Variants in PGR observed in about 807,000 individuals in gnomAD.
The protein encoded by PGR is nuclear receptor subfamily 3 group C member 3.
Under a neutral mutation model 76.1 loss-of-function variants are expected in PGR, and 25 were observed. That is an observed-to-expected ratio of 0.33 (90% CI 0.24 to 0.46). The LOEUF is 0.46. Ranked by LOEUF, PGR falls within the 20% of genes least tolerant of loss-of-function variation. The probability of loss-of-function intolerance (pLI) is 1.00; values close to 1 mark genes in which losing one functional copy is unlikely to be tolerated. For synonymous variants in PGR, 579 were observed against 535.0 expected, an observed-to-expected ratio of 1.08 and a Z score of -1.14; for missense variants, 1,172 against 1,225.3, an observed-to-expected ratio of 0.96 and a Z score of 0.65.
Position 101,127,584 on chromosome 11 carries a change from G to A in PGR, c.1487C>T (p.Pro496Leu), listed in dbSNP as rs1397519079. The A allele has an allele frequency of 1.5e-6, 2 of 1,319,976 alleles. No individual in the cohort carries two copies. Among genetic ancestry groups the A allele is most frequent in the African/African-American group, 1.5e-5 (1 of 64,908 alleles). The allele number at this position is 1,319,976 out of a possible 1,614,324, so 81.8% of individuals were successfully genotyped here. Reference sequence around the variant, plus strand: ...GGCGGCGGCAGAGGCGGAGGTGGAGGGCAGGCCGTCCCGCGGGAGCAGGCA... The same window carrying A: ...GGCGGCGGCAGAGGCGGAGGTGGAGAGCAGGCCGTCCCGCGGGAGCAGGCA... The part of the protein sequence containing the change: ...SGCLLPRDGL[P>L]STSASAAAAG... The change falls in exon 1 of 8, where the codon CCC (proline) becomes CTC (leucine). Residue 496 changes from proline to leucine, a missense_variant. Physicochemically the swap from Pro to Leu is moderately conservative, Grantham distance 98. Around this residue, in one of 4 missense-constraint regions of PGR, gnomAD observed 893 missense variants for 785.9 expected, o/e 1.14. Coordinates refer to ENST00000325455, the MANE Select transcript of PGR (RefSeq NM_000926.4).
chr11:101,064,772 G>A (rs545600595), intron 3 of PGR, among the ~76,000 whole-genome samples: 94 of 152,168 alleles, frequency 6.2e-4, no homozygotes, highest in Admixed American at 1.2e-3. Flanking sequence ...ATTATCTGTT[G>A]CTGTATGGTT....
intron 3 of PGR, among the ~76,000 whole-genome samples, chr11:101,064,945 G>A (rs1365615810): frequency 1.3e-5 from 2 of 152,200 alleles, no homozygotes; most frequent in African/African-American, 4.8e-5. Context: ...AGAGTAACAT[G>A]CTGTATCGGT....
chr11:101,040,209 T>C (rs994668172), intron 7 of PGR, among the ~76,000 whole-genome samples: 2 of 152,040 alleles, frequency 1.3e-5, no homozygotes, highest in African/African-American at 4.8e-5. Context: ...TGCAACAGAA[T>C]TGTAAAAATC....
At chr11:101,127,306 C>T (rs1316786578) in intron 1 of PGR, 128 bp downstream of exon 1, 4 of 609,198 alleles carry the variant, frequency 6.6e-6, no homozygotes, top group Non-Finnish European at 1.0e-5. Flanking sequence ...GTCCCGCTGC[C>T]CACCCTCTCC....
Position 101,085,697 on chromosome 11 carries a change from T to C in PGR, c.1906+6063A>G, listed in dbSNP as rs373186272. Among the ~76,000 whole-genome samples, 545 of 151,972 alleles carry C rather than the reference T, an allele frequency of 3.6e-3. 3 individuals carry two copies. Among genetic ancestry groups the C allele is most frequent in the African/African-American group, 0.012 (516 of 41,488 alleles). On this transcript the variant is annotated intron_variant, in intron 3 of 7. Coordinates refer to ENST00000325455, the MANE Select transcript of PGR (RefSeq NM_000926.4). Reference sequence around the variant, plus strand: ...AGGATAAATAAGATTGATAGACTGCTAGCTACATTAACAAAGAAAAAAAGA... The same window carrying C: ...AGGATAAATAAGATTGATAGACTGCCAGCTACATTAACAAAGAAAAAAAGA...
At chr11:101,119,511 G>A (rs369294198) in intron 2 of PGR, among the ~76,000 whole-genome samples, 29 of 152,194 alleles carry the variant, frequency 1.9e-4, no homozygotes, top group African/African-American at 6.3e-4. Flanking sequence ...TGGTCATCTC[G>A]TCTTTGCACA....
At chr11:101,102,457 T>C (rs1330403248) in intron 2 of PGR, among the ~76,000 whole-genome samples, 1 of 152,194 alleles carries the variant, frequency 6.6e-6, no homozygotes, top group Admixed American at 6.5e-5. Flanking sequence ...GAATCCAGCA[T>C]ATTCTGAAGA....
Position 101,050,005 on chromosome 11 carries a change from G to T in PGR, c.2412C>A (p.Ile804=). ...FYSLCLTMWQ[I]PQEFVKLQVS... is the part of the protein sequence containing the mutation. The stretch of plus-strand genomic sequence containing the variant: ...CTTGAAGCTTGACAAACTCCTGTGG[G>T]ATCTGCCACATGGTAAGGCATAATG... The change falls in exon 6 of 8, where the codon ATC becomes ATA. Residue 804 remains isoleucine (I), a synonymous_variant. Coordinates refer to ENST00000325455, the MANE Select transcript of PGR (RefSeq NM_000926.4). 1 of 1,611,398 alleles carries T rather than the reference G, an allele frequency of 6.2e-7. No homozygotes were observed. The highest frequency in any genetic ancestry group is 8.5e-7 in the Non-Finnish European group (1 of 1,178,056).
intron 2 of PGR, among the ~76,000 whole-genome samples, chr11:101,125,294 C>A (rs1490404427): frequency 1.3e-5 from 2 of 151,982 alleles, no homozygotes; most frequent in Non-Finnish European, 2.9e-5. Flanking sequence ...GCAAGTAAAT[C>A]TGAAATCATT....
intron 6 of PGR, 98 bp downstream of exon 6, chr11:101,049,831 G>A (rs926080040): frequency 4.4e-5 from 40 of 918,324 alleles, no homozygotes; most frequent in South Asian, 9.6e-5. Context: ...AATCCAAGAC[G>A]TCTACCTCAT....
At chr11:101,118,570 A>C (rs541920853) in intron 2 of PGR, among the ~76,000 whole-genome samples, 1 of 152,200 alleles carries the variant, frequency 6.6e-6, no homozygotes, top group Non-Finnish European at 1.5e-5. Flanking sequence ...AGTACACAAC[A>C]CAAGACGCTG....
intron 3 of PGR, among the ~76,000 whole-genome samples, chr11:101,069,857 G>C (rs1860858222): frequency 6.6e-6 from 1 of 152,100 alleles, no homozygotes; most frequent in African/African-American, 2.4e-5. Context: ...CCTGTTGAGG[G>C]GTGGGGAGCT....
chr11:101,123,256 T>C (rs1862734243), intron 2 of PGR, among the ~76,000 whole-genome samples: 1 of 152,206 alleles, frequency 6.6e-6, no homozygotes, highest in Non-Finnish European at 1.5e-5. Context: ...AGAGAAAGCA[T>C]TTTATAATGC....
At position 101,034,264 on chromosome 11, in the gene PGR, T is replaced by C. The variant is rs959258879; in HGVS notation, c.*4852A>G. On this transcript the variant is annotated 3_prime_UTR_variant, in exon 8 of 8. Coordinates refer to ENST00000325455, the MANE Select transcript of PGR (RefSeq NM_000926.4). ...CAGTAAATCGAAAATGAGGCTGACA[T>C]TCTGGGACTAGGCCAGCAGTCCTGC... The C allele has an allele frequency of 9.2e-6, 2 of 217,536 alleles. No individual in the cohort carries two copies. The highest frequency in any genetic ancestry group is 4.5e-5 in the African/African-American group (2 of 44,404). 13.5% of individuals were successfully genotyped at this position (217,536 alleles called of 1,614,324 possible).
chr11:101,074,927 C>T (rs191265391), intron 3 of PGR, among the ~76,000 whole-genome samples: 264 of 152,160 alleles, frequency 1.7e-3, no homozygotes, highest in Non-Finnish European at 3.4e-3. Flanking sequence ...CAATGCTATC[C>T]CCAACAAGCT....
At chr11:101,112,534 A>G (rs890974084) in intron 2 of PGR, among the ~76,000 whole-genome samples, 1 of 152,176 alleles carries the variant, frequency 6.6e-6, no homozygotes, top group African/African-American at 2.4e-5. Context: ...CAATTTCAGA[A>G]AGTTTTTTTC....
chr11:101,096,104 G>A (rs1253570911), intron 2 of PGR, among the ~76,000 whole-genome samples: 1 of 152,150 alleles, frequency 6.6e-6, no homozygotes, highest in Non-Finnish European at 1.5e-5. Context: ...TTACCAAACA[G>A]AATGCAATTC....
At position 101,091,764 on chromosome 11, in the gene PGR, A is replaced by G. The variant is rs1861682528; in HGVS notation, c.1902T>C (p.Leu634=). 1 of 1,514,848 alleles carries G rather than the reference A, an allele frequency of 6.6e-7. No individual in the cohort carries two copies. Among genetic ancestry groups the G allele is most frequent in the Non-Finnish European group, 9.2e-7 (1 of 1,089,512 alleles). 93.8% of individuals were successfully genotyped at this position (1,514,848 alleles called of 1,614,324 possible). A position where few individuals can be genotyped will look rare whatever the true frequency, so the allele number is the denominator to read the frequency against. ...LRKCCQAGMV[L]GGRKFKKFNK... The stretch of plus-strand genomic sequence containing the variant: ...TGATGAAAACATCAGAATTACCTCC[A>G]AGGACCATGCCAGCCTGACAGCACT... The change falls in exon 3 of 8, where the codon CTT becomes CTC. Residue 634 remains leucine (L), a synonymous_variant. Transcript: ENST00000325455.
rs555441454 is a variant in PGR at position 101,118,200 on chromosome 11, G to C, written c.1789+7807C>G. ...AGTTCTGCTCTACTGTTGACTAACT[G>C]AACAAATCTTATCTGTAAAATGAGA... On this transcript the variant is annotated intron_variant, in intron 2 of 7. Transcript: ENST00000325455. 1.4e-4 allele frequency among the ~76,000 whole-genome samples: 21 copies of C among 152,272 alleles called. No homozygotes were observed. In the South Asian group the frequency reaches 4.4e-3, roughly 32 times the overall value.
Sources: gnomAD v4.1 joint callset for allele counts (sites outside exome capture counted in the v4.1 genomes callset) on GRCh38, gnomAD v4.1.1 for gene constraint, gnomAD v4.1.1 regional missense constraint, MANE v1.5 for transcripts, NCBI Gene and HGNC (gene_info 2026-07-23, HGNC 2026-07-21) for gene names.